The following ACSL5 variants were observed in gnomAD, a reference collection of about 807,000 sequenced individuals.
The protein encoded by ACSL5 is acyl-CoA synthetase long chain family member 5.
A neutral mutation model predicts 84.9 loss-of-function variants in ACSL5; 50 were observed. That is an observed-to-expected ratio of 0.59 (90% confidence interval 0.47 to 0.75). The LOEUF (loss-of-function observed/expected upper bound fraction) is 0.75, where lower values mean the gene tolerates loss of function less well. ACSL5 is among the 30% of genes least tolerant of loss of function. The pLI, the probability that ACSL5 is intolerant of heterozygous loss-of-function variation, is 0.00. For synonymous variants in ACSL5, 280 were observed against 300.7 expected (o/e 0.93, Z 0.71); for missense variants, 775 against 830.4 (o/e 0.93, Z 0.82).
chr10:112,407,348 C>T (rs1351517318), intron 5 of ACSL5, among the ~76,000 whole-genome samples: 3 of 152,070 alleles, frequency 2.0e-5, no homozygotes, highest in Admixed American at 6.6e-5. Context: ...CTCAGCCTCC[C>T]GAGTAGCTGG....
In ACSL5 at chr10:112,423,221, AATATATAT is replaced by A. The variant is rs58826772; in HGVS notation, c.1593+796_1593+803del. On this transcript the variant is annotated intron_variant, in intron 17 of 20. Transcript: ENST00000354655. ...AAAAAAAAAAAAAAAAAAAAAAAAA[AATATATAT>A]ATATATATATATATAGGCTGGAAGT... Among the ~76,000 whole-genome samples, 78 of 16,088 alleles carry A rather than the reference AATATATAT, an allele frequency of 4.8e-3. 4 individuals carry two copies. Among genetic ancestry groups the A allele is most frequent in the Non-Finnish European group, 6.8e-3 (66 of 9,776 alleles). 10.6% of individuals were successfully genotyped at this position (16,088 alleles called of 152,430 possible).
At chr10:112,400,704 G>A (rs932393979) in intron 3 of ACSL5, among the ~76,000 whole-genome samples, 5 of 151,832 alleles carry the variant, frequency 3.3e-5, no homozygotes, top group African/African-American at 1.2e-4. Context: ...ACCATGCCCG[G>A]CCTACACCTG....
intron 1 of ACSL5, among the ~76,000 whole-genome samples, chr10:112,380,238 A>G (rs1849323250): frequency 6.6e-6 from 1 of 152,150 alleles, no homozygotes; most frequent in African/African-American, 2.4e-5. Flanking sequence ...GGGTGACTCA[A>G]CTATCCTATG....
intron 1 of ACSL5, among the ~76,000 whole-genome samples, chr10:112,389,494 C>T (rs187581346): frequency 5.9e-5 from 9 of 152,246 alleles, no homozygotes; most frequent in Non-Finnish European, 1.0e-4. Context: ...TTGTATATTA[C>T]GTGAAACAGG....
intron 3 of ACSL5, among the ~76,000 whole-genome samples, chr10:112,401,987 T>A (rs1340699216): frequency 6.6e-6 from 1 of 150,828 alleles, no homozygotes; most frequent in Non-Finnish European, 1.5e-5. Flanking sequence ...CTTTCTTTCT[T>A]CAGGGTCTGG....
chr10:112,379,745 A>G (rs1849313113), intron 1 of ACSL5, among the ~76,000 whole-genome samples: 1 of 152,196 alleles, frequency 6.6e-6, no homozygotes, highest in African/African-American at 2.4e-5. Context: ...ACATGTAGTA[A>G]GTGAGGAGCT....
intron 20 of ACSL5, 150 bp from the exon 21 acceptor site, chr10:112,427,068 T>G (rs1346228152): frequency 1.1e-6 from 1 of 945,712 alleles, no homozygotes; most frequent in Non-Finnish European, 1.6e-6. Context: ...CATTACTTTC[T>G]TAAATTATGT....
intron 1 of ACSL5, among the ~76,000 whole-genome samples, chr10:112,382,183 C>T (rs1408217263): frequency 1.3e-5 from 2 of 152,212 alleles, no homozygotes; most frequent in Non-Finnish European, 2.9e-5. Flanking sequence ...TCACTTAGGT[C>T]GGACTGCTTA....
intron 1 of ACSL5, chr10:112,376,563 C>A: frequency 7.0e-7 from 1 of 1,430,502 alleles, no homozygotes; most frequent in Non-Finnish European, 9.5e-7. Flanking sequence ...AATCAAGGGC[C>A]GGCTGAGTTC....
intron 1 of ACSL5, among the ~76,000 whole-genome samples, chr10:112,383,122 A>G (rs576615614): frequency 3.4e-5 from 5 of 148,948 alleles, no homozygotes; most frequent in Admixed American, 6.6e-5. Flanking sequence ...CTTAAAAACA[A>G]AAAACAAAAA....
intron 1 of ACSL5, among the ~76,000 whole-genome samples, chr10:112,384,688 TG>T (rs1849416017): frequency 1.3e-5 from 2 of 152,046 alleles, no homozygotes; most frequent in Non-Finnish European, 2.9e-5. Flanking sequence ...TTGTATTTTT[TG>T]TAGAGACAGG....
intron 1 of ACSL5, among the ~76,000 whole-genome samples, chr10:112,380,138 G>A (rs1926564): frequency 0.89 from 136,131 of 152,140 alleles, 60,990 homozygotes; most frequent in Middle Eastern, 0.99. Context: ...GATTTGGACT[G>A]TGACTCACTT....
chr10:112,387,478 CTG>C (rs1849476285), intron 1 of ACSL5, among the ~76,000 whole-genome samples: 1 of 152,168 alleles, frequency 6.6e-6, no homozygotes, highest in Admixed American at 6.5e-5. Flanking sequence ...AATACTGACT[CTG>C]TAGTCAAGGA....
intron 1 of ACSL5, chr10:112,376,444 G>T: frequency 1.9e-6 from 3 of 1,614,080 alleles, no homozygotes; most frequent in Non-Finnish European, 2.5e-6. Flanking sequence ...CGGCCCCCTC[G>T]CAGGGTAAGG....
Position 112,427,329 on chromosome 10 carries a change from G to A in ACSL5, c.2023G>A (p.Asp675Asn). ...TTCCAAATACTTTCGGACCCAAATT[G>A]ACAGCCTGTATGAGCACATCCAGGA... is the stretch of plus-strand genomic sequence containing the variant. ...ELSKYFRTQIDSLYEHIQD is the reference protein window; with the variant it reads ...ELSKYFRTQINSLYEHIQD The change falls in exon 21 of 21, where the codon GAC becomes AAC. Residue 675 changes from aspartate to asparagine, a missense_variant. Physicochemically the swap from Asp to Asn is conservative, Grantham distance 23 (BLOSUM62 1). Coordinates refer to ENST00000354655, the MANE Select transcript of ACSL5 (RefSeq NM_203379.2). The A allele has an allele frequency of 6.2e-7, 1 of 1,613,592 alleles. No homozygotes were observed.
In ACSL5 at chr10:112,410,588, C is replaced by CT; in HGVS notation, c.750dup (p.Ser251Ter). On this transcript the variant is annotated frameshift_variant, in exon 9 of 21. Coordinates refer to ENST00000354655, the MANE Select transcript of ACSL5 (RefSeq NM_203379.2). LOFTEE classifies it high-confidence loss of function. ...CCCTTGTGCTTCCTCCTCCAGCCTCCTAGCCCAGAAGACCTGAGCGTCATC... is the reference window on the plus strand; with the variant it reads ...CCCTTGTGCTTCCTCCTCCAGCCTCCTTAGCCCAGAAGACCTGAGCGTCATC... 1 of 1,614,142 alleles carries CT rather than the reference C, an allele frequency of 6.2e-7. No homozygotes were observed. Among genetic ancestry groups the CT allele is most frequent in the South Asian group, 1.1e-5 (1 of 91,076 alleles).
intron 1 of ACSL5, among the ~76,000 whole-genome samples, chr10:112,375,809 T>C (rs946014218): frequency 1.3e-5 from 2 of 152,196 alleles, no homozygotes; most frequent in African/African-American, 4.8e-5. Context: ...TTTTCTTGGC[T>C]TTGCCAGAAC....
At chr10:112,395,391 C>T (rs753509499) in intron 2 of ACSL5, among the ~76,000 whole-genome samples, 5 of 152,018 alleles carry the variant, frequency 3.3e-5, no homozygotes, top group Non-Finnish European at 7.4e-5. Flanking sequence ...TAGTTTTTAC[C>T]TTTTTTAAGG....
chr10:112,397,237 T>C (rs1843769938), intron 2 of ACSL5, among the ~76,000 whole-genome samples: 1 of 151,702 alleles, frequency 6.6e-6, no homozygotes, highest in African/African-American at 2.4e-5. Context: ...TGGTGTGATC[T>C]TGGCTCACTG....
Sources: gnomAD v4.1 joint callset for allele counts (sites outside exome capture counted in the v4.1 genomes callset) on GRCh38, gnomAD v4.1.1 for gene constraint, MANE v1.5 for transcripts, NCBI Gene and HGNC (gene_info 2026-07-23, HGNC 2026-07-21) for gene names.